Variants in CNIH3 observed in about 807,000 individuals in gnomAD.
CNIH3 encodes the protein protein cornichon homolog 3.
CNIH3 carries 14 observed loss-of-function variants against 24.1 expected under a neutral mutation model. The ratio of observed to expected loss-of-function variants is 0.58; its 90% CI spans 0.38 to 0.91. The LOEUF is 0.91. CNIH3 is among the 40% of genes least tolerant of loss of function. The pLI is 0.00. For missense variants in CNIH3, 178 were observed against 196.8 expected (o/e 0.90, Z 0.57); for synonymous variants, 68 against 73.8 (o/e 0.92, Z 0.40).
chr1:224,490,053 C>T (rs988710662), intron 1 of CNIH3, among the ~76,000 whole-genome samples: 11 of 152,170 alleles, frequency 7.2e-5, no homozygotes, highest in Non-Finnish European at 1.3e-4. Flanking sequence ...AAGCAAGTTA[C>T]TATCAAAGAC....
At chr1:224,461,576 A>G (rs1274214342) in intron 1 of CNIH3, among the ~76,000 whole-genome samples, 1 of 152,224 alleles carries the variant, frequency 6.6e-6, no homozygotes, top group Non-Finnish European at 1.5e-5. Flanking sequence ...CCTCACATGC[A>G]TATACCTTAC....
chr1:224,480,915 A>G (rs766507283), intron 1 of CNIH3, among the ~76,000 whole-genome samples: 1 of 152,102 alleles, frequency 6.6e-6, no homozygotes, highest in Non-Finnish European at 1.5e-5. Flanking sequence ...TTTTTTTGGT[A>G]TCTTTTCAGC....
downstream of CNIH3, among the ~76,000 whole-genome samples, chr1:224,588,911 C>G (rs890965217): frequency 3.9e-5 from 5 of 129,374 alleles, no homozygotes; most frequent in South Asian, 1.3e-3. Flanking sequence ...GTTCTTAAGT[C>G]TGGAGGTGAT....
intron 3 of CNIH3, among the ~76,000 whole-genome samples, chr1:224,695,034 A>G (rs563088583): frequency 6.6e-6 from 1 of 152,318 alleles, no homozygotes; most frequent in African/African-American, 2.4e-5. Context: ...AATCACCACT[A>G]AAGAACTTAT....
At chr1:224,570,730 A>G (rs564580643) in intron 4 of CNIH3, among the ~76,000 whole-genome samples, 1 of 152,264 alleles carries the variant, frequency 6.6e-6, no homozygotes, top group Admixed American at 6.5e-5. Flanking sequence ...ATATTTTTGT[A>G]TAAACTATTT....
chr1:224,622,372 A>G (rs1046446879), intron 1 of CNIH3, among the ~76,000 whole-genome samples: 1 of 152,212 alleles, frequency 6.6e-6, no homozygotes, highest in Non-Finnish European at 1.5e-5. Flanking sequence ...GGGGAGAAGC[A>G]CTGGCTATCC....
At chr1:224,730,714 G>A (rs1689284174) in intron 4 of CNIH3, 140 bp downstream of exon 4, 2 of 591,444 alleles carry the variant, frequency 3.4e-6, no homozygotes, top group East Asian at 2.8e-5. Context: ...TTTAAAGCCT[G>A]TTCCCAAACT....
chr1:224,726,165 A>C (rs116711170), intron 3 of CNIH3, among the ~76,000 whole-genome samples: 322 of 152,342 alleles, frequency 2.1e-3, no homozygotes, highest in African/African-American at 7.3e-3. Flanking sequence ...CAGGGATGGA[A>C]ACCTGCTAGA....
At chr1:224,507,052 A>G (rs1183902174) in intron 1 of CNIH3, among the ~76,000 whole-genome samples, 8 of 151,904 alleles carry the variant, frequency 5.3e-5, no homozygotes, top group Non-Finnish European at 8.8e-5. Context: ...TTTTGTAGAG[A>G]CGGGGTTTCA....
At chr1:224,673,291 G>T (rs1313426045) in intron 1 of CNIH3, among the ~76,000 whole-genome samples, 2 of 152,160 alleles carry the variant, frequency 1.3e-5, no homozygotes, top group Non-Finnish European at 2.9e-5. Flanking sequence ...GGGCTAAATG[G>T]CTTCATGCCA....
chr1:224,738,725 G>C (rs1031152368), intron 5 of CNIH3, among the ~76,000 whole-genome samples: 1 of 152,098 alleles, frequency 6.6e-6, no homozygotes, highest in African/African-American at 2.4e-5. Context: ...ACTCTTAGTA[G>C]TATTGGGGCA....
intron 1 of CNIH3, among the ~76,000 whole-genome samples, chr1:224,629,434 C>T (rs868016988): frequency 5.9e-5 from 9 of 152,134 alleles, no homozygotes; most frequent in Admixed American, 2.0e-4. Flanking sequence ...TCATGGGCCA[C>T]GGCACTCATA....
At chr1:224,519,807 A>G (rs891910901) in intron 1 of CNIH3, among the ~76,000 whole-genome samples, 4 of 151,842 alleles carry the variant, frequency 2.6e-5, no homozygotes, top group African/African-American at 9.7e-5. Flanking sequence ...TTTGACTAAC[A>G]CGGTAGCTAC....
intron 2 of CNIH3, among the ~76,000 whole-genome samples, chr1:224,522,705 T>C (rs147103950): frequency 6.6e-6 from 1 of 152,184 alleles, no homozygotes; most frequent in African/African-American, 2.4e-5. Flanking sequence ...AGCAAGGAGA[T>C]CCCACTACAC....
chr1:224,677,270 C>T (rs956430274), intron 1 of CNIH3, among the ~76,000 whole-genome samples: 6 of 152,290 alleles, frequency 3.9e-5, no homozygotes, highest in African/African-American at 1.2e-4. Context: ...TTATTACAAT[C>T]GTCTTGATAG....
At chr1:224,577,504 T>C (rs1327010772) in intron 4 of CNIH3, among the ~76,000 whole-genome samples, 2 of 152,002 alleles carry the variant, frequency 1.3e-5, no homozygotes, top group Non-Finnish European at 2.9e-5. Flanking sequence ...AATCACAATG[T>C]GACACCAACT....
At chr1:224,519,086 A>G (rs1055413749) in intron 1 of CNIH3, among the ~76,000 whole-genome samples, 2 of 152,252 alleles carry the variant, frequency 1.3e-5, no homozygotes, top group African/African-American at 2.4e-5. Context: ...AGCACTTGGC[A>G]TATATAAAGC....
chr1:224,558,190 T>C (rs1405533255), intron 3 of CNIH3, among the ~76,000 whole-genome samples: 1 of 152,198 alleles, frequency 6.6e-6, no homozygotes, highest in Non-Finnish European at 1.5e-5. Flanking sequence ...CTCACCTGCC[T>C]GATGATAACT....
At chr1:224,712,772 G>A (rs190537416) in intron 3 of CNIH3, among the ~76,000 whole-genome samples, 8 of 152,252 alleles carry the variant, frequency 5.3e-5, no homozygotes, top group South Asian at 2.1e-4. Context: ...TTGGGAAGAC[G>A]CTCATCATTT....
Sources: gnomAD v4.1 joint callset for allele counts (sites outside exome capture counted in the v4.1 genomes callset) on GRCh38, gnomAD v4.1.1 for gene constraint, MANE v1.5 for transcripts, NCBI Gene and HGNC (gene_info 2026-07-23, HGNC 2026-07-21) for gene names.